Variants in THUMPD2 observed in about 807,000 individuals in gnomAD.
The protein encoded by THUMPD2 is U6 snRNA (guanine-N(2))-methyltransferase THUMPD2.
In THUMPD2, 56 loss-of-function variants were observed where a neutral mutation model predicts 49.4. The observed-to-expected ratio is 1.13, with a 90% CI of 0.91 to 1.41. The LOEUF is 1.41. Ranked by LOEUF, THUMPD2 falls within the 40% of genes most tolerant of loss-of-function variation. The probability of loss-of-function intolerance (pLI) is 0.00; values close to 1 mark genes in which losing one functional copy is unlikely to be tolerated. For missense variants in THUMPD2, 709 were observed against 594.5 expected (o/e 1.19, Z -2.00); for synonymous variants, 237 against 205.2 (o/e 1.15, Z -1.32).
At chr2:39,766,578 T>C (rs1209587453) in intron 4 of THUMPD2, among the ~76,000 whole-genome samples, 2 of 152,236 alleles carry the variant, frequency 1.3e-5, no homozygotes, top group Non-Finnish European at 1.5e-5. Flanking sequence ...CTGTTTTCTC[T>C]ATAAGTTTCT....
At chr2:39,769,605 G>A (rs1368651286) in intron 3 of THUMPD2, 105 bp downstream of exon 3, 19 of 1,208,346 alleles carry the variant, frequency 1.6e-5, no homozygotes, top group Non-Finnish European at 2.0e-5. Flanking sequence ...AGGAGGCTGA[G>A]GCAAAAGAAT....
Position 39,755,943 on chromosome 2 carries a change from T to C in THUMPD2, c.909A>G (p.Leu303=), listed in dbSNP as rs146579141. The part of the protein sequence containing the change: ...LADIKAGAFV[L]DPMCGLGTIL... ...TTGTTCCAAGTCCACACATTGGATC[T>C]AAAACAAATGCACCAGCCTGCAGAC... Residue 303 remains leucine, a synonymous_variant, in exon 7 of 10, where the codon TTA becomes TTG. Transcript: ENST00000505747. The C allele has an allele frequency of 4.3e-4, 696 of 1,613,826 alleles. 2 individuals carry two copies. The African/African-American group carries it at 5.4e-3, about 13-fold the overall frequency.
intron 1 of THUMPD2, among the ~76,000 whole-genome samples, chr2:39,776,258 C>T (rs1679076552): frequency 6.6e-6 from 1 of 152,030 alleles, no homozygotes; most frequent in Admixed American, 6.6e-5. Context: ...AGAAATTTGC[C>T]ATACAACGAG....
At chr2:39,774,898 T>C (rs1218248089) in intron 1 of THUMPD2, among the ~76,000 whole-genome samples, 1 of 152,206 alleles carries the variant, frequency 6.6e-6, no homozygotes, top group Non-Finnish European at 1.5e-5. Flanking sequence ...CCTTGATTAA[T>C]AACAGCTCTA....
Position 39,768,488 on chromosome 2 carries a change from AC to A in THUMPD2, c.685del (p.Val229Ter). ...KAFTAQEVGK[V>X]IGIAIMKHFG... is the part of the protein sequence containing the mutation. The stretch of plus-strand genomic sequence containing the variant: ...GTGTTTCATAATAGCAATTCCAATT[AC>A]TTTTCCTACCTCCTGGAAAAGTACC... On this transcript the variant is annotated frameshift_variant, in exon 4 of 10. Coordinates refer to ENST00000505747, the MANE Select transcript of THUMPD2 (RefSeq NM_025264.5). LOFTEE classifies it high-confidence loss of function. The A allele has an allele frequency of 6.2e-7, 1 of 1,612,226 alleles. No individual in the cohort carries two copies. The highest frequency in any genetic ancestry group is 8.5e-7 in the Non-Finnish European group (1 of 1,179,314).
intron 9 of THUMPD2, among the ~76,000 whole-genome samples, chr2:39,738,977 G>T (rs888965660): frequency 3.9e-5 from 6 of 152,114 alleles, no homozygotes; most frequent in African/African-American, 9.7e-5. Context: ...AGCTTAGGTA[G>T]CTTTCCCTAG....
Position 39,737,078 on chromosome 2 carries a change from G to C in THUMPD2, c.1188-19C>G. On this transcript the variant is annotated intron_variant, in intron 9 of 9. Coordinates refer to ENST00000505747, the MANE Select transcript of THUMPD2 (RefSeq NM_025264.5). ...AAGCACTCTGTGACAAAAAAAAAAT[G>C]GTAATTGCTATCTTTCTCCTTTCTA... 6.4e-7 allele frequency: 1 copy of C among 1,562,420 alleles called. No individual in the cohort carries two copies. Among genetic ancestry groups the C allele is most frequent in the South Asian group, 1.2e-5 (1 of 83,764 alleles).
chr2:39,736,763 T>C lies in THUMPD2; in HGVS notation c.1484A>G (p.Tyr495Cys), dbSNP rs917943722. 6.2e-7 allele frequency: 1 copy of C among 1,614,062 alleles called. No homozygotes were observed. The highest frequency in any genetic ancestry group is 1.1e-5 in the South Asian group (1 of 91,080). Residue 495 changes from tyrosine (Y) to cysteine (C), a missense_variant, in exon 10 of 10, where the codon TAT (tyrosine) becomes TGT (cysteine). By Grantham distance (194) the Tyr-to-Cys change is radical (BLOSUM62 -2). Transcript: ENST00000505747. Reference sequence around the variant, plus strand: ...CAGTCCAGAAGAGTGCGACTTCTTATATTTACATATGAACGCATCTGTCTT... The same window carrying C: ...CAGTCCAGAAGAGTGCGACTTCTTACATTTACATATGAACGCATCTGTCTT... Reference protein sequence around the residue: ...LGKTDAFICKYKKSHSSGL With the variant: ...LGKTDAFICKCKKSHSSGL
chr2:39,745,037 T>C (rs1674385561), intron 8 of THUMPD2, among the ~76,000 whole-genome samples: 1 of 152,128 alleles, frequency 6.6e-6, no homozygotes, highest in South Asian at 2.1e-4. Flanking sequence ...AATTCTAAAT[T>C]GCTTTATCTT....
chr2:39,762,914 G>C (rs1457067868), intron 5 of THUMPD2, among the ~76,000 whole-genome samples: 2 of 151,790 alleles, frequency 1.3e-5, no homozygotes, highest in Admixed American at 6.6e-5. Context: ...TCTGCTAATA[G>C]AAGTTTTTGT....
chr2:39,766,901 C>T (rs1057232832), intron 4 of THUMPD2, among the ~76,000 whole-genome samples: 1 of 152,164 alleles, frequency 6.6e-6, no homozygotes, highest in Non-Finnish European at 1.5e-5. Flanking sequence ...TACATCACAG[C>T]TAAACTTCCC....
intron 3 of THUMPD2, 82 bp downstream of exon 3, chr2:39,769,628 G>A (rs1187685983): frequency 7.4e-7 from 1 of 1,357,238 alleles, no homozygotes; most frequent in African/African-American, 1.5e-5. Context: ...CCTGAACCTG[G>A]GAGGTGGAGG....
At chr2:39,751,129 T>C (rs1291464218) in intron 8 of THUMPD2, among the ~76,000 whole-genome samples, 1 of 152,250 alleles carries the variant, frequency 6.6e-6, no homozygotes, top group Non-Finnish European at 1.5e-5. Context: ...ATTTCCCAAA[T>C]GGGCAGCCTG....
chr2:39,757,234 A>C (rs1676260808), intron 6 of THUMPD2: 1 of 477,300 alleles, frequency 2.1e-6, no homozygotes, highest in Admixed American at 2.7e-5. Flanking sequence ...AAGGAGGAGC[A>C]AGCAGGAACG....
At chr2:39,750,240 C>A (rs1258979812) in intron 8 of THUMPD2, among the ~76,000 whole-genome samples, 1 of 152,208 alleles carries the variant, frequency 6.6e-6, no homozygotes. Context: ...TCCCTTTTAT[C>A]CACAACCTCA....
chr2:39,768,846 A>G, intron 3 of THUMPD2: 1 of 1,185,924 alleles, frequency 8.4e-7, no homozygotes, highest in Non-Finnish European at 1.1e-6. Flanking sequence ...TAACTATGTC[A>G]GCTACTATAA....
chr2:39,767,760 A>C (rs926302962), intron 4 of THUMPD2, among the ~76,000 whole-genome samples: 8 of 152,144 alleles, frequency 5.3e-5, no homozygotes, highest in Non-Finnish European at 2.9e-5. Flanking sequence ...GACAAGCGCA[A>C]ATCTAAAAAT....
At chr2:39,779,091 GGC>G (rs1679518697) in intron 1 of THUMPD2, 21 bp downstream of exon 1, 1 of 1,496,820 alleles carries the variant, frequency 6.7e-7, no homozygotes, top group Non-Finnish European at 8.8e-7. Flanking sequence ...CACCTCCCCA[GGC>G]GCGCAGCGAG....
At chr2:39,768,816 A>C in intron 3 of THUMPD2, 1 of 1,034,656 alleles carries the variant, frequency 9.7e-7, no homozygotes, top group Non-Finnish European at 1.3e-6. Context: ...GTTTCAGGAA[A>C]TAGATGCAAG....
Sources: allele counts gnomAD v4.1 joint callset (sites outside exome capture counted in the v4.1 genomes callset), GRCh38; gene constraint gnomAD v4.1.1; transcripts MANE v1.5; gene names NCBI Gene and HGNC (gene_info 2026-07-23, HGNC 2026-07-21).